Variants in PTPRD observed in about 807,000 individuals in gnomAD.
PTPRD encodes receptor-type tyrosine-protein phosphatase delta.
PTPRD carries 34 observed loss-of-function variants against 214.5 expected under a neutral mutation model. The observed-to-expected ratio is 0.16, with a 90% CI of 0.12 to 0.21. PTPRD has a LOEUF of 0.21. Ranked by LOEUF, PTPRD falls within the 10% of genes least tolerant of loss-of-function variation. PTPRD has a pLI of 1.00. For synonymous variants in PTPRD, 1,128 were observed against 845.7 expected, an observed-to-expected ratio of 1.33 and a Z score of -5.79; for missense variants, 2,545 against 2,398.7, an observed-to-expected ratio of 1.06 and a Z score of -1.27.
intron 11 of PTPRD, among the ~76,000 whole-genome samples, chr9:8,848,099 T>A (rs2097735128): frequency 6.6e-6 from 1 of 152,078 alleles, no homozygotes; most frequent in Non-Finnish European, 1.5e-5. Flanking sequence ...GCTCCAGGAC[T>A]GACCCCAGAG....
At chr9:9,486,004 A>G (rs1267782057) in intron 8 of PTPRD, among the ~76,000 whole-genome samples, 2 of 151,910 alleles carry the variant, frequency 1.3e-5, no homozygotes, top group Non-Finnish European at 2.9e-5. Flanking sequence ...TACAAAAAAT[A>G]GCAGGGCGTG....
At chr9:9,309,774 A>G (rs558504043) in intron 9 of PTPRD, among the ~76,000 whole-genome samples, 1 of 152,330 alleles carries the variant, frequency 6.6e-6, no homozygotes, top group South Asian at 2.1e-4. Flanking sequence ...CTTAGGTAGT[A>G]AGAATTTCAC....
At chr9:9,917,968 T>G (rs1460418830) in intron 5 of PTPRD, among the ~76,000 whole-genome samples, 1 of 152,010 alleles carries the variant, frequency 6.6e-6, no homozygotes, top group Admixed American at 6.6e-5. Flanking sequence ...ATCTTACTGA[T>G]CAGTGAAAAG....
intron 9 of PTPRD, among the ~76,000 whole-genome samples, chr9:9,363,975 C>G (rs549265562): frequency 6.6e-6 from 1 of 151,296 alleles, no homozygotes; most frequent in African/African-American, 2.4e-5. Flanking sequence ...GTCTGACACA[C>G]GGCATTTTAT....
intron 9 of PTPRD, among the ~76,000 whole-genome samples, chr9:9,353,124 G>A (rs1338852646): frequency 1.3e-5 from 2 of 151,868 alleles, no homozygotes; most frequent in Non-Finnish European, 2.9e-5. Flanking sequence ...TTCAGGCTCG[G>A]TCAAAAGACT....
At chr9:9,775,622 T>C (rs2098791352) in intron 5 of PTPRD, among the ~76,000 whole-genome samples, 1 of 152,082 alleles carries the variant, frequency 6.6e-6, no homozygotes, top group African/African-American at 2.4e-5. Flanking sequence ...CAATCTCCCT[T>C]TCATTCTATT....
chr9:10,003,328 T>G (rs1454339148), intron 4 of PTPRD, among the ~76,000 whole-genome samples: 1 of 151,874 alleles, frequency 6.6e-6, no homozygotes, highest in Non-Finnish European at 1.5e-5. Flanking sequence ...ATTTCATAAA[T>G]AGATGATGCA....
At chr9:10,156,574 G>C (rs961556386) in intron 3 of PTPRD, among the ~76,000 whole-genome samples, 1 of 152,188 alleles carries the variant, frequency 6.6e-6, no homozygotes, top group East Asian at 1.9e-4. Flanking sequence ...CTATTTTAGA[G>C]TATATGCCCT....
rs551239908 is a variant in PTPRD, at chr9:9,869,348, CATG to C, written c.-368+69156_-368+69158del. The stretch of plus-strand genomic sequence containing the variant: ...CACTAATAAAACAATGTGGTTAGAC[CATG>C]ATTATTAATGGATTCCAAAATCATC... On this transcript the variant is annotated intron_variant, in intron 5 of 45. Coordinates refer to ENST00000381196, the MANE Select transcript of PTPRD (RefSeq NM_002839.4). Among the ~76,000 whole-genome samples, 3 of 152,122 alleles carry C rather than the reference CATG, an allele frequency of 2.0e-5. No individual in the cohort carries two copies. In the East Asian group the frequency reaches 5.8e-4, roughly 29 times the overall value.
At chr9:10,058,603 G>C (rs1228350523) in intron 3 of PTPRD, among the ~76,000 whole-genome samples, 1 of 152,066 alleles carries the variant, frequency 6.6e-6, no homozygotes, top group Non-Finnish European at 1.5e-5. Context: ...ATGAGGATTA[G>C]ACTAAGGTGG....
intron 2 of PTPRD, among the ~76,000 whole-genome samples, chr9:10,483,147 G>A (rs1169912294): frequency 1.3e-5 from 2 of 152,026 alleles, no homozygotes; most frequent in Non-Finnish European, 2.9e-5. Context: ...ACAACCAACT[G>A]ATCATCAACA....
intron 11 of PTPRD, among the ~76,000 whole-genome samples, chr9:8,956,625 G>T (rs2099132982): frequency 1.3e-5 from 2 of 151,774 alleles, no homozygotes; most frequent in Admixed American, 1.3e-4. Flanking sequence ...CAGGATCAAG[G>T]ATTGGAGCTA....
intron 3 of PTPRD, among the ~76,000 whole-genome samples, chr9:10,122,021 T>C (rs535471648): frequency 1.3e-5 from 2 of 152,274 alleles, no homozygotes; most frequent in South Asian, 4.1e-4. Context: ...TAAACTTAAG[T>C]TCTTGGCCTG....
rs77345208 is a variant in PTPRD, at chr9:9,840,620, G to A, written c.-367-73769C>T. 6.5e-4 allele frequency among the ~76,000 whole-genome samples: 98 copies of A among 151,914 alleles called. No homozygotes were observed. In the East Asian group the frequency reaches 0.016, roughly 24 times the overall value. ...GAAAGAAATGGGAAGGGAATTAGCT[G>A]GGCGTGGTGGCGCGTGCCTGTAGTC... On this transcript the variant is annotated intron_variant, in intron 5 of 45. Coordinates refer to ENST00000381196, the MANE Select transcript of PTPRD (RefSeq NM_002839.4).
intron 19 of PTPRD, 145 bp from the exon 20 acceptor site, chr9:8,521,691 G>A (rs2097893938): frequency 9.3e-6 from 8 of 864,850 alleles, no homozygotes; most frequent in Non-Finnish European, 1.2e-5. Context: ...AAAAACTGTG[G>A]ATAATACAGA....
chr9:9,737,756 T>G (rs1394115414), intron 6 of PTPRD, among the ~76,000 whole-genome samples: 1 of 152,222 alleles, frequency 6.6e-6, no homozygotes, highest in Non-Finnish European at 1.5e-5. Flanking sequence ...CATTTAGGTT[T>G]TCATTTTTTT....
chr9:9,731,812 A>G (rs750637385), intron 7 of PTPRD, among the ~76,000 whole-genome samples: 1 of 152,196 alleles, frequency 6.6e-6, no homozygotes, highest in Non-Finnish European at 1.5e-5. Flanking sequence ...GAAATCCTAA[A>G]TAAGTTAGTT....
intron 3 of PTPRD, among the ~76,000 whole-genome samples, chr9:10,247,499 C>T (rs1186835515): frequency 1.3e-5 from 2 of 152,152 alleles, no homozygotes; most frequent in Non-Finnish European, 2.9e-5. Context: ...TTTACACACA[C>T]ATTACCATAT....
intron 12 of PTPRD, among the ~76,000 whole-genome samples, chr9:8,731,112 C>G (rs993958356): frequency 2.0e-5 from 3 of 152,212 alleles, no homozygotes; most frequent in African/African-American, 7.2e-5. Context: ...AGCCCTCCTC[C>G]TTAATGCAAC....
Sources: allele counts gnomAD v4.1 joint callset (sites outside exome capture counted in the v4.1 genomes callset), GRCh38; gene constraint gnomAD v4.1.1; transcripts MANE v1.5; gene names NCBI Gene and HGNC (gene_info 2026-07-23, HGNC 2026-07-21).